Variants in CYTH3 observed in about 807,000 individuals in gnomAD.
The protein encoded by CYTH3 is cytohesin 3.
Under a neutral mutation model 55.1 loss-of-function variants are expected in CYTH3, and 23 were observed. The observed-to-expected ratio is 0.42, with a 90% confidence interval of 0.30 to 0.59. The LOEUF (loss-of-function observed/expected upper bound fraction) is 0.59, where lower values mean the gene tolerates loss of function less well. CYTH3 is among the 20% of genes least tolerant of loss of function. The pLI is 0.20. For synonymous variants in CYTH3, 249 were observed against 194.9 expected (o/e 1.28, Z -2.31); for missense variants, 413 against 524.8 (o/e 0.79, Z 2.08).
rs1268270149 is a variant in CYTH3, at chr7:6,205,872, T to G, written c.35-15341A>C. On this transcript the variant is annotated intron_variant, in intron 1 of 12. Transcript: ENST00000350796. ...CTGGGTGACAGAGCAAGGTCCTATC[T>G]CTTAAAAAAAAAAAAAAAAAAAAAA... is the stretch of plus-strand genomic sequence containing the variant. 6.3e-5 allele frequency among the ~76,000 whole-genome samples: 5 copies of G among 79,748 alleles called. No homozygotes were observed. The East Asian group carries it at 2.5e-3, about 39-fold the overall frequency. The allele number at this position is 79,748 out of a possible 152,430, so 52.3% of individuals were successfully genotyped here.
Position 6,259,806 on chromosome 7 carries a change from TATATATAA to T in CYTH3, c.34+12660_34+12667del, listed in dbSNP as rs1780290330. 1.3e-4 allele frequency among the ~76,000 whole-genome samples: 4 copies of T among 30,186 alleles called. 1 individual carries two copies. In the African/African-American group the frequency reaches 1.6e-3, roughly 12 times the overall value. 19.8% of individuals were successfully genotyped at this position (30,186 alleles called of 152,430 possible). A position where few individuals can be genotyped will look rare whatever the true frequency, so the allele number is the denominator to read the frequency against. ...TATAATATATATATATATATATATA[TATATATAA>T]TATATATATATATATATATTTTTTT... On this transcript the variant is annotated intron_variant, in intron 1 of 12. Transcript: ENST00000350796.
chr7:6,267,173 G>A (rs1457118236), intron 1 of CYTH3, among the ~76,000 whole-genome samples: 1 of 152,202 alleles, frequency 6.6e-6, no homozygotes, highest in Non-Finnish European at 1.5e-5. Flanking sequence ...CTCCCCAGGA[G>A]CCGAGCAGAT....
rs377599404 is a variant in CYTH3 at position 6,163,643 on chromosome 7, G to A, written c.*1301C>T. ...ACCTGACAACCTCCCAGGCGGGCGTGGAGTTTGACCAGTTCCACCACCGGC... is the reference window on the plus strand; with the variant it reads ...ACCTGACAACCTCCCAGGCGGGCGTAGAGTTTGACCAGTTCCACCACCGGC... On this transcript the variant is annotated 3_prime_UTR_variant, in exon 13 of 13. Coordinates refer to ENST00000350796, the MANE Select transcript of CYTH3 (RefSeq NM_004227.4). The A allele has an allele frequency of 6.6e-6, 1 of 152,256 alleles. No individual in the cohort carries two copies. Among genetic ancestry groups the A allele is most frequent in the African/African-American group, 2.4e-5 (1 of 41,430 alleles). The allele number at this position is 152,256 out of a possible 1,614,324, so 9.4% of individuals were successfully genotyped here. A position where few individuals can be genotyped will look rare whatever the true frequency, so the allele number is the denominator to read the frequency against.
At chr7:6,259,802 T>TATATATA (rs1562417889) in intron 1 of CYTH3, among the ~76,000 whole-genome samples, 2 of 27,766 alleles carry the variant, frequency 7.2e-5, no homozygotes, top group African/African-American at 7.1e-4. Context: ...TATATATATA[T>TATATATA]ATATATATAT....
Position 6,169,103 on chromosome 7 carries a change from A to G in CYTH3, c.823+1432T>C, listed in dbSNP as rs2128536752. ...CCCTAAACCTCGGTACAGCCAGAAA[A>G]AAGTCAAAGAGCAATGGCCAAGGTC... On this transcript the variant is annotated intron_variant, in intron 9 of 12. Transcript: ENST00000350796. The surrounding 1 kb of genome is among the most constrained non-coding windows in gnomAD (Gnocchi z 4.1). Among the ~76,000 whole-genome samples, 1 of 152,314 alleles carries G rather than the reference A, an allele frequency of 6.6e-6. No individual in the cohort carries two copies.
At chr7:6,272,411 AC>A in intron 1 of CYTH3, 62 bp downstream of exon 1, 8 of 434,078 alleles carry the variant, frequency 1.8e-5, no homozygotes, top group South Asian at 3.2e-5. Flanking sequence ...CGCGCCCTCG[AC>A]CCCCAGCCCC....
In CYTH3 at chr7:6,223,121, G is replaced by A. The variant is rs954248703; in HGVS notation, c.35-32590C>T. On this transcript the variant is annotated intron_variant, in intron 1 of 12. Transcript: ENST00000350796. ...AAGCGCCTCTGCCTGGCTGCCCTTC[G>A]TCTGGGAGGCGAGGAGCGCCTCTGC... Among the ~76,000 whole-genome samples the A allele has an allele frequency of 3.3e-5, 5 of 152,126 alleles. No individual in the cohort carries two copies. The East Asian group carries it at 5.8e-4, about 18-fold the overall frequency.
chr7:6,255,261 G>A (rs545868717), intron 1 of CYTH3, among the ~76,000 whole-genome samples: 1 of 152,286 alleles, frequency 6.6e-6, no homozygotes, highest in African/African-American at 2.4e-5. Flanking sequence ...AGGCTCAAAT[G>A]TTTAAACAAA....
chr7:6,178,878 T>G (rs1185467562), intron 4 of CYTH3, among the ~76,000 whole-genome samples: 1 of 152,162 alleles, frequency 6.6e-6, no homozygotes, highest in East Asian at 1.9e-4. Flanking sequence ...AGGAACCTAT[T>G]AATAGAAATG....
At chr7:6,216,957 G>C (rs1784442351) in intron 1 of CYTH3, among the ~76,000 whole-genome samples, 1 of 150,318 alleles carries the variant, frequency 6.7e-6, no homozygotes, top group African/African-American at 2.5e-5. Flanking sequence ...CTATCACCCA[G>C]GCTGGAGTGC....
chr7:6,208,516 T>C (rs1004204545), intron 1 of CYTH3, among the ~76,000 whole-genome samples: 1 of 151,698 alleles, frequency 6.6e-6, no homozygotes, highest in Non-Finnish European at 1.5e-5. Flanking sequence ...AAGTACTTCA[T>C]TCCAATCATT....
intron 1 of CYTH3, among the ~76,000 whole-genome samples, chr7:6,222,298 T>C (rs1423140238): frequency 6.6e-6 from 1 of 152,232 alleles, no homozygotes; most frequent in Non-Finnish European, 1.5e-5. Flanking sequence ...AATGAGCACC[T>C]GTCGATAATG....
chr7:6,183,021 C>G (rs1044725148), intron 4 of CYTH3, among the ~76,000 whole-genome samples: 3 of 152,234 alleles, frequency 2.0e-5, no homozygotes, highest in South Asian at 2.1e-4. Flanking sequence ...AGGAGCAGGT[C>G]AGGCAGCCAA....
In CYTH3 at chr7:6,168,419, C is replaced by T. The variant is rs929633691; in HGVS notation, c.823+2116G>A. On this transcript the variant is annotated intron_variant, in intron 9 of 12. Transcript: ENST00000350796. ...CAGGCCGCACTCCCCGCTGAGCACA[C>T]GCCTGGAAGCACGTTCTAGATCCTG... Among the ~76,000 whole-genome samples, 8 of 152,052 alleles carry T rather than the reference C, an allele frequency of 5.3e-5. No individual in the cohort carries two copies. In the East Asian group the frequency reaches 7.7e-4, roughly 15 times the overall value.
chr7:6,267,196 C>A lies in CYTH3; in HGVS notation c.34+5278G>T, dbSNP rs987516111. On this transcript the variant is annotated intron_variant, in intron 1 of 12. Transcript: ENST00000350796. Reference sequence around the variant, plus strand: ...GAGCCGAGCAGATGCTGGCACCATGCCTGTACAGCTACAGCCTGCACAACC... The same window carrying A: ...GAGCCGAGCAGATGCTGGCACCATGACTGTACAGCTACAGCCTGCACAACC... 2.0e-5 allele frequency among the ~76,000 whole-genome samples: 3 copies of A among 152,226 alleles called. No individual in the cohort carries two copies. The East Asian group carries it at 5.8e-4, about 29-fold the overall frequency.
At chr7:6,259,839 T>C (rs1457859543) in intron 1 of CYTH3, among the ~76,000 whole-genome samples, 1 of 80,556 alleles carries the variant, frequency 1.2e-5, no homozygotes, top group Non-Finnish European at 2.1e-5. Flanking sequence ...TATATTTTTT[T>C]TTTTTTTTAA....
chr7:6,212,065 T>A (rs1238785848), intron 1 of CYTH3, among the ~76,000 whole-genome samples: 1 of 152,186 alleles, frequency 6.6e-6, no homozygotes, highest in East Asian at 1.9e-4. Context: ...CCATTAACCA[T>A]CCTTATCTCC....
chr7:6,258,230 T>C (rs1780180887), intron 1 of CYTH3, among the ~76,000 whole-genome samples: 2 of 150,462 alleles, frequency 1.3e-5, no homozygotes, highest in Admixed American at 1.3e-4. Context: ...GGGGGATCAC[T>C]GGAGCCAAGG....
chr7:6,219,574 G>T (rs1406138288), intron 1 of CYTH3, among the ~76,000 whole-genome samples: 1 of 152,192 alleles, frequency 6.6e-6, no homozygotes. Context: ...AGAGATTTAA[G>T]CCTGTCACTC....
Sources: allele counts gnomAD v4.1 joint callset (sites outside exome capture counted in the v4.1 genomes callset), GRCh38; gene constraint gnomAD v4.1.1; non-coding constraint Gnocchi (gnomAD v3.1); transcripts MANE v1.5; gene names NCBI Gene and HGNC (gene_info 2026-07-23, HGNC 2026-07-21).